Variants in UPF2 observed in about 807,000 individuals in gnomAD.
The protein encoded by UPF2 is UPF2 regulator of nonsense mediated mRNA decay.
A neutral mutation model predicts 141.4 loss-of-function variants in UPF2; 17 were observed. The ratio of observed to expected loss-of-function variants is 0.12; its 90% confidence interval spans 0.08 to 0.18. The LOEUF is 0.18. Ranked by LOEUF, UPF2 falls within the 10% of genes least tolerant of loss-of-function variation. The pLI, the probability that UPF2 is intolerant of heterozygous loss-of-function variation, is 1.00. For synonymous variants in UPF2, 540 were observed against 498.0 expected (o/e 1.08, Z -1.12); for missense variants, 1,152 against 1,515.9 (o/e 0.76, Z 3.99).
chr10:11,921,049 A>T lies in UPF2; in HGVS notation c.*249T>A, dbSNP rs1045202685. 2 of 728,262 alleles carry T rather than the reference A, an allele frequency of 2.7e-6. No homozygotes were observed. Among genetic ancestry groups the T allele is most frequent in the Non-Finnish European group, 5.2e-6 (2 of 385,510 alleles). The allele number at this position is 728,262 out of a possible 1,614,324, so 45.1% of individuals were successfully genotyped here. ...TCATTTCTTGACTGCCATTCTCAAG[A>T]GAAGATTAACCCTCGCGAGATTTCC... On this transcript the variant is annotated 3_prime_UTR_variant, in exon 22 of 22. Coordinates refer to ENST00000357604, the MANE Select transcript of UPF2 (RefSeq NM_015542.4). The surrounding 1 kb of genome is among the most constrained non-coding windows in gnomAD (Gnocchi z 5.9).
At chr10:11,949,099 G>A (rs1833041989) in intron 15 of UPF2, among the ~76,000 whole-genome samples, 1 of 152,096 alleles carries the variant, frequency 6.6e-6, no homozygotes, top group Non-Finnish European at 1.5e-5. Flanking sequence ...GAACTCCCTG[G>A]CCTGAATTTG....
In UPF2 at chr10:11,951,093, G is replaced by A. The variant is rs1028215297; in HGVS notation, c.3034+973C>T. ...CTTTATTTTTTTGAGATGGAGTTTC[G>A]CTCTTGTTACCCAGGCTGTAGTGCA... On this transcript the variant is annotated intron_variant, in intron 15 of 21. Coordinates refer to ENST00000357604, the MANE Select transcript of UPF2 (RefSeq NM_015542.4). Among the ~76,000 whole-genome samples, 5 of 151,956 alleles carry A rather than the reference G, an allele frequency of 3.3e-5. No individual in the cohort carries two copies. The South Asian group carries it at 8.3e-4, about 25-fold the overall frequency.
chr10:11,970,214 A>G (rs189764959), intron 9 of UPF2, among the ~76,000 whole-genome samples: 1 of 152,346 alleles, frequency 6.6e-6, no homozygotes, highest in East Asian at 1.9e-4. Context: ...CAATTAATGT[A>G]CAGGACAAAA....
In UPF2 at chr10:12,001,738, G is replaced by A. The variant is rs1384559424; in HGVS notation, c.1592C>T (p.Thr531Ile). 1.2e-6 allele frequency: 2 copies of A among 1,612,912 alleles called. No homozygotes were observed. The highest frequency in any genetic ancestry group is 2.2e-5 in the East Asian group (1 of 44,734). The change falls in exon 6 of 22, where the codon ACC (threonine) becomes ATC (isoleucine). Residue 531 changes from threonine to isoleucine, a missense_variant. Thr to Ile is a moderately conservative substitution (Grantham distance 89). Coordinates refer to ENST00000357604, the MANE Select transcript of UPF2 (RefSeq NM_015542.4). ...ELENLEINDD[T>I]LELEGGDEAE... ...TTCATCTCCACCCTCTAATTCTAAG[G>A]TGTCATCATTAATTTCTAGATTCTC...
At chr10:11,986,453 G>T (rs990076471) in intron 8 of UPF2, among the ~76,000 whole-genome samples, 3 of 152,086 alleles carry the variant, frequency 2.0e-5, no homozygotes, top group African/African-American at 7.2e-5. Flanking sequence ...AGGGAAAGAA[G>T]AAATTCTTAT....
At chr10:11,966,168 A>G (rs1352851480) in intron 10 of UPF2, among the ~76,000 whole-genome samples, 1 of 152,174 alleles carries the variant, frequency 6.6e-6, no homozygotes, top group Non-Finnish European at 1.5e-5. Context: ...CTGCTGTTGG[A>G]TATAGTATAA....
chr10:11,988,654 T>G (rs1833733357), intron 8 of UPF2, among the ~76,000 whole-genome samples: 1 of 152,006 alleles, frequency 6.6e-6, no homozygotes, highest in South Asian at 2.1e-4. Flanking sequence ...GCTGGGTGAG[T>G]ATGGGTGCAG....
intron 19 of UPF2, among the ~76,000 whole-genome samples, chr10:11,933,922 C>T (rs1353393289): frequency 1.3e-5 from 2 of 152,210 alleles, no homozygotes; most frequent in African/African-American, 2.4e-5. Context: ...AATGTAACAG[C>T]ATTATCTAGC....
intron 4 of UPF2, among the ~76,000 whole-genome samples, chr10:12,013,249 G>A (rs1458688129): frequency 6.6e-6 from 1 of 151,006 alleles, no homozygotes; most frequent in Non-Finnish European, 1.5e-5. Flanking sequence ...ATTATAGAAG[G>A]ATATTTTACA....
Position 11,929,988 on chromosome 10 carries a change from G to A in UPF2, c.3689-3C>T, listed in dbSNP as rs779142308. 34 of 1,613,980 alleles carry A rather than the reference G, an allele frequency of 2.1e-5. No individual in the cohort carries two copies. Among genetic ancestry groups the A allele is most frequent in the Non-Finnish European group, 2.9e-5 (34 of 1,179,940 alleles). On this transcript the variant is annotated splice_polypyrimidine_tract_variant and splice_region_variant and intron_variant, in intron 20 of 21. Coordinates refer to ENST00000357604, the MANE Select transcript of UPF2 (RefSeq NM_015542.4). ...CTGTGCAAGAGACTGCAACATTTCT[G>A]TAATTAGGAGCAAAAAAAGAGAATG...
At chr10:12,031,074 T>G (rs572073739) in intron 2 of UPF2, among the ~76,000 whole-genome samples, 2 of 147,400 alleles carry the variant, frequency 1.4e-5, no homozygotes, top group South Asian at 2.1e-4. Context: ...CTCAGGAGGC[T>G]GAGGCAGGAG....
chr10:11,938,814 C>A (rs1832886226), intron 18 of UPF2, among the ~76,000 whole-genome samples: 1 of 147,970 alleles, frequency 6.8e-6, no homozygotes, highest in African/African-American at 2.5e-5. Flanking sequence ...CAAACTCCAC[C>A]ACGTCCTAGC....
intron 16 of UPF2, among the ~76,000 whole-genome samples, chr10:11,943,831 G>A (rs937039830): frequency 6.6e-6 from 1 of 151,884 alleles, no homozygotes; most frequent in South Asian, 2.1e-4. Flanking sequence ...CTCACAGTCA[G>A]TCCCTGCCTC....
chr10:11,934,550 G>A (rs775268768), intron 19 of UPF2, among the ~76,000 whole-genome samples: 2 of 152,126 alleles, frequency 1.3e-5, no homozygotes, highest in Non-Finnish European at 2.9e-5. Context: ...GAGTCATGCC[G>A]TGAAGTCTTT....
At position 12,001,416 on chromosome 10, in the gene UPF2, G is replaced by GA. The variant is rs1042074439; in HGVS notation, c.1654+259dup. ...AGGACAAGAGTGAGACTTAGTTTCA[G>GA]AAAAAAAAATAAAATAAAAAATATT... On this transcript the variant is annotated intron_variant, in intron 6 of 21. Transcript: ENST00000357604. 1.6e-3 allele frequency among the ~76,000 whole-genome samples: 234 copies of GA among 148,992 alleles called. 1 individual carries two copies. Among genetic ancestry groups the GA allele is most frequent in the African/African-American group, 5.3e-3 (214 of 40,590 alleles).
intron 10 of UPF2, among the ~76,000 whole-genome samples, chr10:11,964,369 A>G (rs1332247903): frequency 6.6e-6 from 1 of 152,160 alleles, no homozygotes; most frequent in Non-Finnish European, 1.5e-5. Context: ...TTCTATATTT[A>G]TTGTTAGATG....
At chr10:11,938,867 T>TTTTTTTTTTTG (rs1832896112) in intron 18 of UPF2, among the ~76,000 whole-genome samples, 1 of 103,358 alleles carries the variant, frequency 9.7e-6, no homozygotes, top group African/African-American at 3.5e-5. Context: ...TTTTTTTTTT[T>TTTTTTTTTTTG]TTTTTTTTTT....
intron 9 of UPF2, among the ~76,000 whole-genome samples, chr10:11,972,060 T>C (rs1398453409): frequency 2.7e-5 from 3 of 113,040 alleles, no homozygotes; most frequent in South Asian, 3.3e-4. Context: ...CAAGACTCTG[T>C]CTCAAAAAAA....
chr10:11,999,838 A>G lies in UPF2; in HGVS notation c.1758+68T>C. 4 of 1,264,366 alleles carry G rather than the reference A, an allele frequency of 3.2e-6. No homozygotes were observed. In the South Asian group the frequency reaches 4.8e-5, roughly 15 times the overall value. 78.3% of individuals were successfully genotyped at this position (1,264,366 alleles called of 1,614,324 possible). ...AGCTCAAACAGTCTAAAAACCATAGACATTCCTTATCAGAGGACTCCTACA... is the reference window on the plus strand; with the variant it reads ...AGCTCAAACAGTCTAAAAACCATAGGCATTCCTTATCAGAGGACTCCTACA... On this transcript the variant is annotated intron_variant, in intron 7 of 21. Transcript: ENST00000357604.
Sources: allele counts gnomAD v4.1 joint callset (sites outside exome capture counted in the v4.1 genomes callset), GRCh38; gene constraint gnomAD v4.1.1; non-coding constraint Gnocchi (gnomAD v3.1); transcripts MANE v1.5; gene names NCBI Gene and HGNC (gene_info 2026-07-23, HGNC 2026-07-21).